ITGAL: variants seen among roughly 807,000 people sequenced by gnomAD.
The protein encoded by ITGAL is integrin alpha-L.
In ITGAL, 68 loss-of-function variants were observed where a neutral mutation model predicts 138.4. The observed-to-expected ratio is 0.49, with a 90% CI of 0.40 to 0.60. The LOEUF (loss-of-function observed/expected upper bound fraction) is 0.60. Ranked by LOEUF, ITGAL falls within the 20% of genes least tolerant of loss-of-function variation. The pLI is 0.00. For missense variants in ITGAL, 1,256 were observed against 1,478.6 expected (o/e 0.85, Z 2.47); for synonymous variants, 561 against 584.3 (o/e 0.96, Z 0.57).
At chr16:30,492,246 CT>C (rs1178527208) in intron 11 of ITGAL, among the ~76,000 whole-genome samples, 12 of 107,726 alleles carry the variant, frequency 1.1e-4, no homozygotes, top group Admixed American at 3.8e-4. Context: ...GACATGATAT[CT>C]TTTTTTTCTT....
In ITGAL at chr16:30,487,110, T is replaced by G. The variant is rs959580806; in HGVS notation, c.1007-1972T>G. Reference sequence around the variant, plus strand: ...GTGAGCCAAGATTGTGCCACCGCCCTCCAGCCTGGGCGACAGAGTGAGACT... The same window carrying G: ...GTGAGCCAAGATTGTGCCACCGCCCGCCAGCCTGGGCGACAGAGTGAGACT... On this transcript the variant is annotated intron_variant, in intron 9 of 30. Transcript: ENST00000356798. Among the ~76,000 whole-genome samples the G allele has an allele frequency of 8.8e-5, 11 of 124,574 alleles. No homozygotes were observed. The South Asian group carries it at 2.7e-3, about 31-fold the overall frequency. 81.7% of individuals were successfully genotyped at this position (124,574 alleles called of 152,430 possible).
At chr16:30,497,825 T>C (rs2050824961) in intron 15 of ITGAL, among the ~76,000 whole-genome samples, 1 of 151,270 alleles carries the variant, frequency 6.6e-6, no homozygotes, top group African/African-American at 2.4e-5. Flanking sequence ...TGCATGACTG[T>C]AGGCCCAGCT....
chr16:30,506,262 T>TTAAA (rs768200358), intron 20 of ITGAL, among the ~76,000 whole-genome samples: 1 of 111,356 alleles, frequency 9.0e-6, no homozygotes, highest in African/African-American at 3.4e-5. Flanking sequence ...TCTGTCTCAA[T>TTAAA]AAAAAAAAAA....
At chr16:30,479,560 G>A in intron 6 of ITGAL, 99 bp downstream of exon 6, 2 of 1,213,404 alleles carry the variant, frequency 1.6e-6, no homozygotes, top group Non-Finnish European at 2.3e-6. Flanking sequence ...AATCCTCAGA[G>A]CCTATGGGCA....
intron 8 of ITGAL, 36 bp from the exon 9 acceptor site, chr16:30,484,077 G>A (rs764544409): frequency 1.2e-6 from 2 of 1,604,202 alleles, no homozygotes; most frequent in East Asian, 4.5e-5. Context: ...CTGAGGTTTG[G>A]GGGATTTCAG....
At chr16:30,517,752 G>A in intron 27 of ITGAL, 45 bp from the exon 28 acceptor site, 1 of 1,612,800 alleles carries the variant, frequency 6.2e-7, no homozygotes, top group Non-Finnish European at 8.5e-7. Context: ...CGGTACACGG[G>A]TCGGAATGAA....
intron 2 of ITGAL, 82 bp downstream of exon 2, chr16:30,474,380 C>A: frequency 1.0e-6 from 1 of 964,112 alleles, no homozygotes; most frequent in Non-Finnish European, 1.6e-6. Flanking sequence ...CCGACCCTCG[C>A]CTGGGCTAGT....
chr16:30,505,512 C>G (rs774484366), intron 20 of ITGAL, 50 bp downstream of exon 20: 2 of 1,318,232 alleles, frequency 1.5e-6, no homozygotes, highest in Non-Finnish European at 2.2e-6. Context: ...TGTTTTAAGA[C>G]CCCCCACTCC....
At chr16:30,499,677 G>GTATATACATGTATATATATGTGTATA (rs2050856465) in intron 17 of ITGAL, 188 bp downstream of exon 17, 2 of 78,206 alleles carry the variant, frequency 2.6e-5, no homozygotes, top group Non-Finnish European at 5.2e-5. Flanking sequence ...ATATATATGT[G>GTATATACATGTATATATATGTGTATA]TATATATATG....
chr16:30,501,075 G>A (rs749935066), intron 17 of ITGAL, among the ~76,000 whole-genome samples: 3 of 151,866 alleles, frequency 2.0e-5, no homozygotes, highest in Non-Finnish European at 2.9e-5. Context: ...AAAACCCTTG[G>A]CATCAAGTAA....
chr16:30,481,056 C>T lies in ITGAL; in HGVS notation c.577-383C>T, dbSNP rs139426986. On this transcript the variant is annotated intron_variant, in intron 6 of 30. Coordinates refer to ENST00000356798, the MANE Select transcript of ITGAL (RefSeq NM_002209.3). ...GTGGCTCATGCCTGTAATCCTAGCA[C>T]TTTGGGAGGCTGAGGCAGGTGGATC... 832 of 223,818 alleles carry T rather than the reference C, an allele frequency of 3.7e-3. 7 individuals are homozygous for T. Among genetic ancestry groups the T allele is most frequent in the African/African-American group, 0.019 (778 of 41,818 alleles). The allele number at this position is 223,818 out of a possible 1,614,324, so 13.9% of individuals were successfully genotyped here.
intron 15 of ITGAL, among the ~76,000 whole-genome samples, chr16:30,497,115 C>T (rs1471403748): frequency 3.3e-5 from 5 of 152,056 alleles, no homozygotes; most frequent in South Asian, 2.1e-4. Flanking sequence ...AAGTCCGAGG[C>T]GGGCGGATCA....
At chr16:30,517,536 T>C (rs1393322087) in intron 26 of ITGAL, 113 bp from the exon 27 acceptor site, 2 of 826,708 alleles carry the variant, frequency 2.4e-6, no homozygotes, top group Non-Finnish European at 2.1e-6. Flanking sequence ...CCTGCTGGAC[T>C]CAGAGATGTC....
rs187925127 is a variant in ITGAL, at chr16:30,514,612, C to T, written c.2862+766C>T. Among the ~76,000 whole-genome samples, 4 of 151,604 alleles carry T rather than the reference C, an allele frequency of 2.6e-5. No individual in the cohort carries two copies. In the South Asian group the frequency reaches 6.3e-4, roughly 24 times the overall value. On this transcript the variant is annotated intron_variant, in intron 25 of 30. Transcript: ENST00000356798. ...CTAACTTTTGTATTTTTTGTAGAGG[C>T]GGAGTTTTGCCCTGTAGGCCAGGCT...
At chr16:30,511,257 G>T (rs1413498587) in intron 24 of ITGAL, 121 bp downstream of exon 24, 1 of 776,898 alleles carries the variant, frequency 1.3e-6, no homozygotes, top group African/African-American at 1.7e-5. Flanking sequence ...AGCCCCTTGG[G>T]GTAATTAGAA....
At chr16:30,514,765 C>T (rs1457379322) in intron 25 of ITGAL, among the ~76,000 whole-genome samples, 2 of 152,038 alleles carry the variant, frequency 1.3e-5, no homozygotes, top group African/African-American at 4.8e-5. Flanking sequence ...GCATCCTGCC[C>T]AGTCTCCAAA....
At chr16:30,519,260 C>T (rs548650881) in intron 29 of ITGAL, among the ~76,000 whole-genome samples, 35 of 151,898 alleles carry the variant, frequency 2.3e-4, no homozygotes, top group African/African-American at 7.2e-4. Context: ...TGGTTCACGC[C>T]TGTACTCAGT....
intron 20 of ITGAL, among the ~76,000 whole-genome samples, chr16:30,506,436 G>A (rs570756669): frequency 1.2e-4 from 18 of 150,560 alleles, no homozygotes; most frequent in East Asian, 1.2e-3. Flanking sequence ...GTGGGCGCCC[G>A]TAGTCCCAGC....
chr16:30,489,073 G>A lies in ITGAL; in HGVS notation c.1007-9G>A. 2 of 1,612,590 alleles carry A rather than the reference G, an allele frequency of 1.2e-6. No homozygotes were observed. Among genetic ancestry groups the A allele is most frequent in the East Asian group, 4.5e-5 (2 of 44,884 alleles). On this transcript the variant is annotated splice_polypyrimidine_tract_variant and intron_variant, in intron 9 of 30. Transcript: ENST00000356798. ...TTGGGTCTCACCTGTTCTCTGCTTTGTTCCCCAGGCACAAGCAAACAGGAC... is the reference window on the plus strand; with the variant it reads ...TTGGGTCTCACCTGTTCTCTGCTTTATTCCCCAGGCACAAGCAAACAGGAC...
Sources: gnomAD v4.1 joint callset for allele counts (sites outside exome capture counted in the v4.1 genomes callset) on GRCh38, gnomAD v4.1.1 for gene constraint, MANE v1.5 for transcripts, NCBI Gene and HGNC (gene_info 2026-07-23, HGNC 2026-07-21) for gene names.